The following PCDH7 variants were observed in gnomAD, a reference collection of about 807,000 sequenced individuals.
PCDH7 encodes the protein protocadherin-7.
In PCDH7, 17 loss-of-function variants were observed where a neutral mutation model predicts 58.9. The observed-to-expected ratio is 0.29, with a 90% CI of 0.20 to 0.43. The LOEUF is 0.43. Among genes scored for constraint, PCDH7 ranks in the 20% least tolerant of loss-of-function variants. The pLI, the probability that PCDH7 is intolerant of heterozygous loss-of-function variation, is 1.00. For synonymous variants in PCDH7, 664 were observed against 616.4 expected (o/e 1.08, Z -1.14); for missense variants, 1,274 against 1,441.0 (o/e 0.88, Z 1.88).
chr4:30,974,888 T>A (rs944246840), intron 3 of PCDH7, among the ~76,000 whole-genome samples: 1 of 152,196 alleles, frequency 6.6e-6, no homozygotes, highest in Non-Finnish European at 1.5e-5. Context: ...GAGAAAGGCC[T>A]TTTATTTAGT....
chr4:30,879,493 C>T (rs4352436), intron 1 of PCDH7, among the ~76,000 whole-genome samples: 61,652 of 151,780 alleles, frequency 0.41, 12,736 homozygotes, highest in African/African-American at 0.45. Flanking sequence ...TTACCGTTTA[C>T]GTGACAGTAT....
At chr4:30,868,921 T>A (rs1440060902) in intron 1 of PCDH7, 2 of 152,046 alleles carry the variant, frequency 1.3e-5, no homozygotes, top group African/African-American at 4.8e-5. Flanking sequence ...GCAAAATAGT[T>A]CAACCATATG....
intron 2 of PCDH7, among the ~76,000 whole-genome samples, chr4:30,949,742 G>A (rs964339035): frequency 6.6e-6 from 1 of 151,988 alleles, no homozygotes; most frequent in Non-Finnish European, 1.5e-5. Flanking sequence ...TAATCCTACT[G>A]TATGTTAGAA....
At chr4:30,862,598 C>A (rs1156673075) in intron 1 of PCDH7, among the ~76,000 whole-genome samples, 1 of 152,142 alleles carries the variant, frequency 6.6e-6, no homozygotes, top group African/African-American at 2.4e-5. Context: ...AAGATAATAT[C>A]TTATGCCAAT....
At chr4:31,056,958 A>G (rs1757309495) in intron 3 of PCDH7, among the ~76,000 whole-genome samples, 1 of 152,198 alleles carries the variant, frequency 6.6e-6, no homozygotes, top group Admixed American at 6.5e-5. Context: ...GTCAATGAAT[A>G]TCTTAATTCA....
chr4:30,924,919 A>G (rs928256241), intron 2 of PCDH7, among the ~76,000 whole-genome samples: 2 of 152,130 alleles, frequency 1.3e-5, no homozygotes, highest in African/African-American at 4.8e-5. Context: ...GATGATCCAT[A>G]AACCAGGTTT....
At chr4:31,059,941 A>C (rs566974954) in intron 3 of PCDH7, among the ~76,000 whole-genome samples, 1 of 151,926 alleles carries the variant, frequency 6.6e-6, no homozygotes, top group South Asian at 2.1e-4. Flanking sequence ...AGCAACATCA[A>C]GGCAAAATAA....
chr4:30,871,187 G>A (rs149286369), intron 1 of PCDH7, among the ~76,000 whole-genome samples: 57 of 152,172 alleles, frequency 3.7e-4, no homozygotes, highest in African/African-American at 1.3e-3. Context: ...ATTAGTTACT[G>A]TGGTTAATGT....
intron 1 of PCDH7, among the ~76,000 whole-genome samples, chr4:30,906,050 T>G (rs1191365101): frequency 1.3e-5 from 2 of 152,222 alleles, no homozygotes; most frequent in Non-Finnish European, 2.9e-5. Flanking sequence ...AAGGAAACCT[T>G]GCCATTTCTG....
intron 3 of PCDH7, among the ~76,000 whole-genome samples, chr4:31,087,209 A>G (rs1010721990): frequency 1.3e-5 from 2 of 152,134 alleles, no homozygotes; most frequent in Admixed American, 6.6e-5. Flanking sequence ...CAGTACGTCA[A>G]CTGCTAGCTA....
At position 31,090,394 on chromosome 4, in the gene PCDH7, G is replaced by A. The variant is rs117178141; in HGVS notation, c.*8-52079G>A. 3.0e-3 allele frequency among the ~76,000 whole-genome samples: 459 copies of A among 151,724 alleles called. 10 individuals carry two copies. Among genetic ancestry groups the A allele is most frequent in the East Asian group, 0.018 (95 of 5,160 alleles). ...GGTAAATGGATTATCCGTCACCTAC[G>A]GCATTTATCCTTTGTGTTACAAACA... is the stretch of plus-strand genomic sequence containing the variant. On this transcript the variant is annotated intron_variant, in intron 3 of 3. Transcript: ENST00000509759.
chr4:30,860,376 G>C (rs1464681250), intron 1 of PCDH7, among the ~76,000 whole-genome samples: 1 of 151,834 alleles, frequency 6.6e-6, no homozygotes, highest in Non-Finnish European at 1.5e-5. Context: ...TGAGGAAGTA[G>C]AGCAGAGAGG....
chr4:31,044,925 G>C (rs1218653998), intron 3 of PCDH7, among the ~76,000 whole-genome samples: 1 of 151,984 alleles, frequency 6.6e-6, no homozygotes, highest in African/African-American at 2.4e-5. Flanking sequence ...TTTGGACCCT[G>C]ACTTCTCTGC....
At chr4:31,025,954 C>A (rs1386343271) in intron 3 of PCDH7, among the ~76,000 whole-genome samples, 1 of 152,152 alleles carries the variant, frequency 6.6e-6, no homozygotes, top group African/African-American at 2.4e-5. Flanking sequence ...AAGACTCAAA[C>A]GTTTTTAGAC....
rs1444701152 is a variant in PCDH7 at position 30,723,072 on chromosome 4, G to A, written c.1650G>A (p.Pro550=). The A allele has an allele frequency of 3.1e-6, 5 of 1,613,748 alleles. No homozygotes were observed. The African/African-American group carries it at 5.3e-5, about 17-fold the overall frequency. Residue 550 remains proline (P), a synonymous_variant, in exon 1 of 2, where the codon CCG becomes CCA. Transcript: ENST00000361762. This position sits in a 1 kb window ranked among gnomAD's most constrained non-coding sequence, Gnocchi z 4.6. ...TTTACTTCCCTGAGAACAACATCCC[G>A]GGCGAGAGGGTGGCCACGGTGCTGG...
intron 3 of PCDH7, among the ~76,000 whole-genome samples, chr4:31,107,101 A>G (rs1353060075): frequency 3.9e-5 from 6 of 152,094 alleles, no homozygotes; most frequent in Non-Finnish European, 8.8e-5. Flanking sequence ...TTTTTTAATA[A>G]TAGTTCTTGT....
intron 1 of PCDH7, among the ~76,000 whole-genome samples, chr4:30,854,744 AGTT>A (rs1254043456): frequency 1.3e-5 from 2 of 151,998 alleles, no homozygotes; most frequent in African/African-American, 2.4e-5. Flanking sequence ...GAATTTTTAC[AGTT>A]GTTGTTGGTT....
intron 3 of PCDH7, among the ~76,000 whole-genome samples, chr4:30,980,404 T>A (rs1750450903): frequency 6.6e-6 from 1 of 152,222 alleles, no homozygotes; most frequent in African/African-American, 2.4e-5. Flanking sequence ...TTGGTTTTGT[T>A]TTTGTGAAGC....
rs533063736 is a variant in PCDH7 at position 30,744,579 on chromosome 4, G to T, written c.70+19983G>T. ...AATAATTATAATGTAGTATGATAAGGGTTATAATGGGAACCATATGTACCC... is the reference window on the plus strand; with the variant it reads ...AATAATTATAATGTAGTATGATAAGTGTTATAATGGGAACCATATGTACCC... On this transcript the variant is annotated intron_variant, in intron 1 of 3. Coordinates refer to the PCDH7 transcript ENST00000509759. Among the ~76,000 whole-genome samples, 45 of 152,264 alleles carry T rather than the reference G, an allele frequency of 3.0e-4. No individual in the cohort carries two copies. The South Asian group carries it at 8.7e-3, about 29-fold the overall frequency.
Sources: allele counts gnomAD v4.1 joint callset (sites outside exome capture counted in the v4.1 genomes callset), GRCh38; gene constraint gnomAD v4.1.1; non-coding constraint Gnocchi (gnomAD v3.1); transcripts MANE v1.5; gene names NCBI Gene and HGNC (gene_info 2026-07-23, HGNC 2026-07-21).